The following SRBD1 variants were observed in gnomAD, a reference collection of about 807,000 sequenced individuals.
SRBD1 encodes S1 RNA binding domain 1, also known as S1 RNA-binding domain-containing protein 1.
In SRBD1, 88 loss-of-function variants were observed where a neutral mutation model predicts 115.3. The ratio of observed to expected loss-of-function variants is 0.76; its 90% CI spans 0.64 to 0.91. The LOEUF (loss-of-function observed/expected upper bound fraction) is 0.91, where lower values mean the gene tolerates loss of function less well. Ranked by LOEUF, SRBD1 falls within the 40% of genes least tolerant of loss-of-function variation. SRBD1 has a pLI of 0.00. For synonymous variants in SRBD1, 509 were observed against 407.7 expected (o/e 1.25, Z -2.99); for missense variants, 1,385 against 1,177.4 (o/e 1.18, Z -2.58).
intron 18 of SRBD1, 123 bp from the exon 19 acceptor site, chr2:45,413,416 C>A: frequency 3.4e-5 from 39 of 1,134,316 alleles, no homozygotes; most frequent in Non-Finnish European, 4.8e-5. Context: ...CAGATTTTGA[C>A]CTTTTACTTC....
Position 45,479,516 on chromosome 2 carries a change from A to T in SRBD1, c.1967-2441T>A, listed in dbSNP as rs145902425. Among the ~76,000 whole-genome samples, 430 of 152,344 alleles carry T rather than the reference A, an allele frequency of 2.8e-3. 2 individuals carry two copies. The highest frequency in any genetic ancestry group is 9.9e-3 in the African/African-American group (411 of 41,580). On this transcript the variant is annotated intron_variant, in intron 15 of 20. Coordinates refer to ENST00000263736, the MANE Select transcript of SRBD1 (RefSeq NM_018079.5). ...TTAAACCAGCCACAACATTCCCTTA[A>T]GCCAAAGTGTAATCCTGAGCAAGGT...
At chr2:45,501,214 C>T (rs992525352) in intron 14 of SRBD1, among the ~76,000 whole-genome samples, 5 of 152,148 alleles carry the variant, frequency 3.3e-5, no homozygotes, top group Admixed American at 3.3e-4. Flanking sequence ...ACCATCCTTG[C>T]ATACTTGGGA....
chr2:45,531,774 C>T (rs1671619334), intron 14 of SRBD1, among the ~76,000 whole-genome samples: 1 of 151,766 alleles, frequency 6.6e-6, no homozygotes, highest in African/African-American at 2.4e-5. Context: ...TTCCGTAATA[C>T]ATATGGCAAG....
chr2:45,494,505 A>C (rs1375339702), intron 14 of SRBD1, among the ~76,000 whole-genome samples: 1 of 152,232 alleles, frequency 6.6e-6, no homozygotes, highest in African/African-American at 2.4e-5. Flanking sequence ...ATAACATAAA[A>C]GAAAGATAGC....
At chr2:45,415,492 A>T (rs1667791870) in intron 18 of SRBD1, among the ~76,000 whole-genome samples, 1 of 146,518 alleles carries the variant, frequency 6.8e-6, no homozygotes, top group Non-Finnish European at 1.5e-5. Flanking sequence ...TATATGGAGG[A>T]GTGTGTATAT....
At chr2:45,537,485 T>C (rs1414465707) in intron 14 of SRBD1, among the ~76,000 whole-genome samples, 1 of 152,166 alleles carries the variant, frequency 6.6e-6, no homozygotes, top group Admixed American at 6.5e-5. Context: ...TGTAACATAG[T>C]CTTGGTTCTG....
In SRBD1 at chr2:45,610,102, A is replaced by AT. The variant is rs1324311803; in HGVS notation, c.-1+1116dup. Among the ~76,000 whole-genome samples the AT allele has an allele frequency of 3.9e-5, 6 of 152,260 alleles. No individual in the cohort carries two copies. The South Asian group carries it at 1.2e-3, about 32-fold the overall frequency. On this transcript the variant is annotated intron_variant, in intron 1 of 20. Coordinates refer to ENST00000263736, the MANE Select transcript of SRBD1 (RefSeq NM_018079.5). ...TATTCCTATTCTTCAGTGACTTGGGATTTTTCCCTCCTTTCAAACTATCTT... is the reference window on the plus strand; with the variant it reads ...TATTCCTATTCTTCAGTGACTTGGGATTTTTTCCCTCCTTTCAAACTATCTT...
At chr2:45,436,289 C>T (rs565632406) in intron 16 of SRBD1, among the ~76,000 whole-genome samples, 13 of 152,206 alleles carry the variant, frequency 8.5e-5, no homozygotes, top group African/African-American at 3.1e-4. Flanking sequence ...CTACAAAAAC[C>T]CTACAGCTAA....
intron 13 of SRBD1, 131 bp from the exon 14 acceptor site, chr2:45,546,970 C>A: frequency 1.2e-6 from 1 of 804,988 alleles, no homozygotes; most frequent in Non-Finnish European, 2.0e-6. Flanking sequence ...GCAACCTGTC[C>A]ACTGTTGCAT....
intron 16 of SRBD1, among the ~76,000 whole-genome samples, chr2:45,432,297 G>A (rs1002969534): frequency 6.6e-6 from 1 of 152,088 alleles, no homozygotes; most frequent in African/African-American, 2.4e-5. Context: ...CCAAAGTGCT[G>A]GGATTACAGG....
intron 4 of SRBD1, among the ~76,000 whole-genome samples, chr2:45,597,479 T>G (rs1284208393): frequency 1.3e-5 from 2 of 151,474 alleles, no homozygotes; most frequent in African/African-American, 4.8e-5. Context: ...TCTACGTAAC[T>G]AATAAAACTA....
intron 14 of SRBD1, among the ~76,000 whole-genome samples, chr2:45,492,054 C>T (rs1408874115): frequency 6.6e-6 from 1 of 152,108 alleles, no homozygotes; most frequent in Non-Finnish European, 1.5e-5. Context: ...CTCCCAACCT[C>T]GGGTGATCCA....
chr2:45,550,386 C>A (rs747161306), intron 12 of SRBD1, among the ~76,000 whole-genome samples: 5 of 150,938 alleles, frequency 3.3e-5, no homozygotes, highest in Non-Finnish European at 7.4e-5. Context: ...AACTGAGAAA[C>A]ACAAAGAGAA....
intron 4 of SRBD1, among the ~76,000 whole-genome samples, chr2:45,599,150 C>T (rs1405353939): frequency 6.6e-6 from 1 of 152,162 alleles, no homozygotes; most frequent in Non-Finnish European, 1.5e-5. Flanking sequence ...AAAAACTTAA[C>T]AATGAACCTG....
At chr2:45,508,628 G>A (rs1421278234) in intron 14 of SRBD1, among the ~76,000 whole-genome samples, 4 of 151,866 alleles carry the variant, frequency 2.6e-5, no homozygotes, top group African/African-American at 9.7e-5. Context: ...ATTATTTTCA[G>A]TTAAAAGTTA....
intron 18 of SRBD1, among the ~76,000 whole-genome samples, chr2:45,417,786 G>C (rs1667875357): frequency 6.6e-6 from 1 of 152,160 alleles, no homozygotes; most frequent in Non-Finnish European, 1.5e-5. Flanking sequence ...TATGCTTAGG[G>C]AACAGCTATG....
At chr2:45,582,058 C>CT (rs1673381973) in intron 5 of SRBD1, among the ~76,000 whole-genome samples, 1 of 152,186 alleles carries the variant, frequency 6.6e-6, no homozygotes, top group East Asian at 1.9e-4. Flanking sequence ...TTACTACCAT[C>CT]TAATGCAGAG....
At chr2:45,457,625 A>C (rs1296900678) in intron 16 of SRBD1, among the ~76,000 whole-genome samples, 6 of 152,072 alleles carry the variant, frequency 3.9e-5, no homozygotes, top group Non-Finnish European at 5.9e-5. Context: ...AAGTAATATA[A>C]GAAATGTCAT....
intron 16 of SRBD1, among the ~76,000 whole-genome samples, chr2:45,425,189 G>A (rs940734075): frequency 6.8e-6 from 1 of 146,632 alleles, no homozygotes; most frequent in South Asian, 2.1e-4. Flanking sequence ...CCTTATTTAG[G>A]GGCTCAAAGT....
Sources: allele counts gnomAD v4.1 joint callset (sites outside exome capture counted in the v4.1 genomes callset), GRCh38; gene constraint gnomAD v4.1.1; transcripts MANE v1.5; gene names NCBI Gene and HGNC (gene_info 2026-07-23, HGNC 2026-07-21).